Variants in MUSK observed in about 807,000 individuals in gnomAD.
MUSK encodes muscle, skeletal receptor tyrosine-protein kinase.
MUSK carries 55 observed loss-of-function variants against 88.7 expected under a neutral mutation model. The observed-to-expected ratio is 0.62, with a 90% CI of 0.50 to 0.78. The LOEUF is 0.78. Among genes scored for constraint, MUSK ranks in the 30% least tolerant of loss-of-function variants. The pLI is 0.00. For missense variants in MUSK, 1,015 were observed against 1,074.3 expected (o/e 0.94, Z 0.77); for synonymous variants, 387 against 391.9 (o/e 0.99, Z 0.15).
chr9:110,725,693 G>A (rs536202455), intron 5 of MUSK, among the ~76,000 whole-genome samples: 5 of 152,080 alleles, frequency 3.3e-5, no homozygotes, highest in Admixed American at 3.3e-4. Flanking sequence ...CTGGACTTTA[G>A]AGGAAAATAA....
intron 5 of MUSK, among the ~76,000 whole-genome samples, chr9:110,724,965 T>A (rs936914779): frequency 5.9e-5 from 9 of 152,154 alleles, no homozygotes; most frequent in African/African-American, 2.2e-4. Context: ...CACAAGAGTA[T>A]CAACTCCAAA....
At chr9:110,769,840 A>G (rs996166953) in intron 9 of MUSK, among the ~76,000 whole-genome samples, 1 of 152,174 alleles carries the variant, frequency 6.6e-6, no homozygotes, top group African/African-American at 2.4e-5. Context: ...TTACACAGTG[A>G]CACTCAGGCA....
rs768362614 is a variant in MUSK at position 110,802,118 on chromosome 9, AT to A, written c.*1134del. 5.9e-5 allele frequency among the ~76,000 whole-genome samples: 9 copies of A among 152,116 alleles called. No individual in the cohort carries two copies. Among genetic ancestry groups the A allele is most frequent in the African/African-American group, 9.7e-5 (4 of 41,424 alleles). ...AACTGATATTTCTGTGCATTCTGAC[AT>A]TTTATTCCTTTTAGAAACAAATTCA... is the stretch of plus-strand genomic sequence containing the variant. On this transcript the variant is annotated 3_prime_UTR_variant, in exon 15 of 15. Transcript: ENST00000374448.
At chr9:110,763,756 A>C (rs1399321517) in intron 8 of MUSK, among the ~76,000 whole-genome samples, 5 of 152,226 alleles carry the variant, frequency 3.3e-5, no homozygotes, top group Non-Finnish European at 5.9e-5. Flanking sequence ...GGGTTGTCAT[A>C]ACACAAACAT....
At chr9:110,720,634 C>A (rs932464868) in intron 5 of MUSK, among the ~76,000 whole-genome samples, 15 of 152,040 alleles carry the variant, frequency 9.9e-5, no homozygotes, top group African/African-American at 3.6e-4. Flanking sequence ...CAGGACCAGA[C>A]AGATTCATAG....
At chr9:110,695,748 A>G (rs1486512849) in intron 4 of MUSK, among the ~76,000 whole-genome samples, 2 of 152,130 alleles carry the variant, frequency 1.3e-5, no homozygotes, top group Non-Finnish European at 2.9e-5. Flanking sequence ...ATAATGTTAA[A>G]GATAGAAAAG....
intron 5 of MUSK, among the ~76,000 whole-genome samples, chr9:110,720,800 A>G (rs2131802675): frequency 6.6e-6 from 1 of 152,210 alleles, no homozygotes; most frequent in South Asian, 2.1e-4. Context: ...AAAGAAAACT[A>G]CAGACCAATA....
intron 1 of MUSK, 97 bp downstream of exon 1, chr9:110,669,080 T>A (rs2075924667): frequency 2.6e-6 from 3 of 1,138,340 alleles, no homozygotes; most frequent in African/African-American, 3.0e-5. Flanking sequence ...TATGGTGGGC[T>A]TGGGTTTTAC....
chr9:110,757,195 C>T (rs1368366709), intron 7 of MUSK, among the ~76,000 whole-genome samples: 1 of 152,112 alleles, frequency 6.6e-6, no homozygotes, highest in Non-Finnish European at 1.5e-5. Context: ...TACAGTGGCT[C>T]ATGCCTGTAT....
intron 1 of MUSK, among the ~76,000 whole-genome samples, chr9:110,680,630 C>A (rs886917983): frequency 6.6e-6 from 1 of 151,824 alleles, no homozygotes; most frequent in Non-Finnish European, 1.5e-5. Context: ...AAGTGATCTG[C>A]CCTCCTCGGC....
chr9:110,675,042 A>C (rs1200174214), intron 1 of MUSK, among the ~76,000 whole-genome samples: 2 of 152,138 alleles, frequency 1.3e-5, no homozygotes, highest in African/African-American at 4.8e-5. Flanking sequence ...CATGTGGACC[A>C]AGGACAATTT....
intron 14 of MUSK, among the ~76,000 whole-genome samples, chr9:110,790,595 T>C (rs139098484): frequency 1.4e-3 from 218 of 152,282 alleles, no homozygotes; most frequent in African/African-American, 5.0e-3. Flanking sequence ...TAAGAGAGAA[T>C]TGGCTGGAGA....
At chr9:110,692,945 A>T (rs1478576807) in intron 3 of MUSK, among the ~76,000 whole-genome samples, 1 of 152,154 alleles carries the variant, frequency 6.6e-6, no homozygotes, top group African/African-American at 2.4e-5. Flanking sequence ...TAATAAATAT[A>T]CATGGAGTGT....
rs1016810153 is a variant in MUSK at position 110,803,583 on chromosome 9, A to T, written c.*2595A>T. On this transcript the variant is annotated 3_prime_UTR_variant, in exon 15 of 15. Transcript: ENST00000374448. ...GTAATTTGCATGTCGTTTCAAGCAC[A>T]CTCTATATCTATATTTTATTCTATT... Among the ~76,000 whole-genome samples, 7 of 152,100 alleles carry T rather than the reference A, an allele frequency of 4.6e-5. No individual in the cohort carries two copies. Among genetic ancestry groups the T allele is most frequent in the Non-Finnish European group, 1.5e-5 (1 of 68,026 alleles).
Position 110,697,418 on chromosome 9 carries a change from A to C in MUSK, c.580A>C (p.Asn194His). ...AGGACAGTATCGATGTGTGGCAAAA[A>C]ACAGCCTCGGGACAGCATATTCCAA... The part of the protein sequence containing the change: ...DAGQYRCVAK[N>H]SLGTAYSKVV... Residue 194 changes from asparagine to histidine, a missense_variant, in exon 5 of 15, where the codon AAC becomes CAC. Coordinates refer to ENST00000374448, the MANE Select transcript of MUSK (RefSeq NM_005592.4). The C allele has an allele frequency of 6.2e-7, 1 of 1,612,746 alleles. No homozygotes were observed. The highest frequency in any genetic ancestry group is 1.6e-4 in the Middle Eastern group (1 of 6,062).
At chr9:110,723,803 T>C (rs541463318) in intron 5 of MUSK, among the ~76,000 whole-genome samples, 347 of 152,194 alleles carry the variant, frequency 2.3e-3, no homozygotes, top group African/African-American at 7.8e-3. Context: ...GCCACCACTT[T>C]AACTGATCTG....
At position 110,785,831 on chromosome 9, in the gene MUSK, C is replaced by CAT. The variant is rs60715454; in HGVS notation, c.1778+128_1778+129dup. 9,319 of 466,508 alleles carry CAT rather than the reference C, an allele frequency of 0.02. 54 individuals carry two copies. The highest frequency in any genetic ancestry group is 0.02 in the Non-Finnish European group (5,610 of 273,806). 28.9% of individuals were successfully genotyped at this position (466,508 alleles called of 1,614,324 possible). On this transcript the variant is annotated intron_variant, in intron 13 of 14. Coordinates refer to ENST00000374448, the MANE Select transcript of MUSK (RefSeq NM_005592.4). ...TTAGCTTTATATATATATACACACACATATATATATATATATCAAGCTAAT... is the reference window on the plus strand; with the variant it reads ...TTAGCTTTATATATATATACACACACATATATATATATATATATCAAGCTAAT...
At position 110,789,958 on chromosome 9, in the gene MUSK, C is replaced by A. The variant is rs114860282; in HGVS notation, c.1927+2120C>A. Among the ~76,000 whole-genome samples, 1,026 of 151,992 alleles carry A rather than the reference C, an allele frequency of 6.8e-3. 11 individuals carry two copies. The highest frequency in any genetic ancestry group is 0.024 in the African/African-American group (988 of 41,418). ...TAAAGCCATGAGGTTGAGTAAGACA[C>A]CTAAGTATGGAGAAAGCAAGCCAGA... On this transcript the variant is annotated intron_variant, in intron 14 of 14. Transcript: ENST00000374448.
chr9:110,706,266 A>T (rs1024313803), intron 5 of MUSK: 13 of 331,012 alleles, frequency 3.9e-5, no homozygotes, highest in Non-Finnish European at 7.3e-5. Flanking sequence ...TTTGTTCCTC[A>T]CAGAAATGAA....
Sources: allele counts gnomAD v4.1 joint callset (sites outside exome capture counted in the v4.1 genomes callset), GRCh38; gene constraint gnomAD v4.1.1; transcripts MANE v1.5; gene names NCBI Gene and HGNC (gene_info 2026-07-23, HGNC 2026-07-21).